The following CNTNAP5 variants were observed in gnomAD, a reference collection of about 807,000 sequenced individuals.
CNTNAP5 encodes the protein contactin associated protein family member 5.
CNTNAP5 carries 72 observed loss-of-function variants against 150.2 expected under a neutral mutation model. The ratio of observed to expected loss-of-function variants is 0.48; its 90% CI spans 0.40 to 0.58. CNTNAP5 has a LOEUF of 0.58. Among genes scored for constraint, CNTNAP5 ranks in the 20% least tolerant of loss-of-function variants. CNTNAP5 has a pLI of 0.00. For missense variants in CNTNAP5, 1,636 were observed against 1,626.2 expected, an observed-to-expected ratio of 1.01 and a Z score of -0.10; for synonymous variants, 672 against 619.8, an observed-to-expected ratio of 1.08 and a Z score of -1.25.
Position 124,772,827 on chromosome 2 carries a change from T to A in CNTNAP5, c.2562T>A (p.Asp854Glu). The A allele has an allele frequency of 6.2e-7, 1 of 1,613,684 alleles. No individual in the cohort carries two copies. The highest frequency in any genetic ancestry group is 1.1e-5 in the South Asian group (1 of 91,078). ...SSPSEITFAI[D>E]VGNGPVELVV... ...CTTCAGAGATCACCTTTGCCATCGA[T>A]GTTGGGAATGGTCCTGTGGAGCTTG... Residue 854 changes from aspartate to glutamate, a missense_variant, in exon 17 of 24, where the codon GAT (aspartate) becomes GAA (glutamate). Coordinates refer to ENST00000682447, the MANE Select transcript of CNTNAP5 (RefSeq NM_001367498.1).
At chr2:124,335,848 A>AAAAAC (rs1192347203) in intron 3 of CNTNAP5, among the ~76,000 whole-genome samples, 1 of 151,982 alleles carries the variant, frequency 6.6e-6, no homozygotes, top group South Asian at 2.1e-4. Context: ...TGCAGGGGTG[A>AAAAAC]AAAACAAAAC....
At chr2:124,194,706 CAT>C (rs955289713) in intron 1 of CNTNAP5, among the ~76,000 whole-genome samples, 9 of 150,210 alleles carry the variant, frequency 6.0e-5, no homozygotes, top group African/African-American at 1.9e-4. Flanking sequence ...AATCATATAA[CAT>C]AATATTTTAT....
In CNTNAP5 at chr2:124,914,299, G is replaced by A. The variant is rs1434877765; in HGVS notation, c.*11G>A. ...GAATATTTCATCTGAGAAACTGCAG[G>A]GTTCCTACTACTCTTTTTTCTTGTT... On this transcript the variant is annotated 3_prime_UTR_variant, in exon 24 of 24. Coordinates refer to ENST00000682447, the MANE Select transcript of CNTNAP5 (RefSeq NM_001367498.1). 6.3e-7 allele frequency: 1 copy of A among 1,590,150 alleles called. No individual in the cohort carries two copies. The highest frequency in any genetic ancestry group is 2.3e-5 in the East Asian group (1 of 44,326).
At chr2:124,856,887 C>A (rs1331968669) in intron 19 of CNTNAP5, among the ~76,000 whole-genome samples, 7 of 152,126 alleles carry the variant, frequency 4.6e-5, no homozygotes, top group Non-Finnish European at 1.0e-4. Flanking sequence ...ATATCCATGG[C>A]AAGCTTGTCA....
intron 1 of CNTNAP5, among the ~76,000 whole-genome samples, chr2:124,056,265 C>T (rs1173838744): frequency 6.6e-6 from 1 of 152,136 alleles, no homozygotes; most frequent in African/African-American, 2.4e-5. Context: ...TGACCATCTC[C>T]TCTCACTAGC....
chr2:124,631,980 C>A (rs745361660), intron 12 of CNTNAP5, among the ~76,000 whole-genome samples: 1 of 152,110 alleles, frequency 6.6e-6, no homozygotes, highest in Non-Finnish European at 1.5e-5. Context: ...CATCACTGAT[C>A]ATTAGAGAAA....
intron 3 of CNTNAP5, among the ~76,000 whole-genome samples, chr2:124,367,761 A>T (rs886112292): frequency 3.9e-5 from 6 of 152,218 alleles, no homozygotes; most frequent in South Asian, 2.1e-4. Flanking sequence ...AAGGAAAATT[A>T]CAAAATTCAC....
At chr2:124,462,752 C>T (rs1693282381) in intron 6 of CNTNAP5, among the ~76,000 whole-genome samples, 1 of 152,156 alleles carries the variant, frequency 6.6e-6, no homozygotes, top group African/African-American at 2.4e-5. Context: ...TAGAGAACCA[C>T]ATATCATGAA....
chr2:124,745,525 A>G (rs990741964), intron 13 of CNTNAP5, among the ~76,000 whole-genome samples: 38 of 152,328 alleles, frequency 2.5e-4, no homozygotes, highest in African/African-American at 7.7e-4. Context: ...CCAGTCCTCT[A>G]GGCCAGGTGT....
At chr2:124,095,635 T>C (rs904812029) in intron 1 of CNTNAP5, among the ~76,000 whole-genome samples, 1 of 152,204 alleles carries the variant, frequency 6.6e-6, no homozygotes. Context: ...GAAGCCTGTG[T>C]GACACTTGGT....
intron 3 of CNTNAP5, among the ~76,000 whole-genome samples, chr2:124,344,907 A>G (rs563373135): frequency 2.0e-5 from 3 of 152,318 alleles, no homozygotes; most frequent in Non-Finnish European, 2.9e-5. Flanking sequence ...CCCTGAATCC[A>G]TGGCTTCTCT....
At chr2:124,345,303 T>C (rs1689711561) in intron 3 of CNTNAP5, among the ~76,000 whole-genome samples, 1 of 152,202 alleles carries the variant, frequency 6.6e-6, no homozygotes, top group Non-Finnish European at 1.5e-5. Flanking sequence ...ATCACCTCTG[T>C]GATGGGCTAG....
At chr2:124,771,025 C>T (rs533584846) in intron 16 of CNTNAP5, among the ~76,000 whole-genome samples, 1 of 152,250 alleles carries the variant, frequency 6.6e-6, no homozygotes, top group Non-Finnish European at 1.5e-5. Context: ...TTCCTTTAGG[C>T]CAGGGCTCGG....
At chr2:124,596,082 A>T (rs1054459645) in intron 11 of CNTNAP5, among the ~76,000 whole-genome samples, 5 of 133,542 alleles carry the variant, frequency 3.7e-5, no homozygotes, top group African/African-American at 1.4e-4. Flanking sequence ...ATCCTTTCAA[A>T]AAACCAGCTC....
chr2:124,902,757 T>G (rs1573700039), intron 21 of CNTNAP5, 125 bp from the exon 22 acceptor site: 12 of 582,430 alleles, frequency 2.1e-5, no homozygotes, highest in Admixed American at 3.1e-5. Flanking sequence ...TAGGGGAGGG[T>G]TTTCTTTACT....
chr2:124,604,602 A>G (rs1041078787), intron 11 of CNTNAP5, among the ~76,000 whole-genome samples: 7 of 152,222 alleles, frequency 4.6e-5, no homozygotes, highest in African/African-American at 2.4e-5. Context: ...AGGTTGTTTC[A>G]GTTTTGTAAA....
rs543490522 is a variant in CNTNAP5, at chr2:124,622,586, G to A, written c.1876+12666G>A. Among the ~76,000 whole-genome samples the A allele has an allele frequency of 2.6e-4, 39 of 152,010 alleles. No individual in the cohort carries two copies. In the South Asian group the frequency reaches 6.0e-3, roughly 24 times the overall value. On this transcript the variant is annotated intron_variant, in intron 12 of 23. Coordinates refer to ENST00000682447, the MANE Select transcript of CNTNAP5 (RefSeq NM_001367498.1). ...GGGCGAACTAATTTATACTCCCACC[G>A]ACAGTGTAAAAGCATTCCTTTTTCT... is the stretch of plus-strand genomic sequence containing the variant.
At chr2:124,850,114 C>G (rs571905719) in intron 19 of CNTNAP5, among the ~76,000 whole-genome samples, 3 of 152,194 alleles carry the variant, frequency 2.0e-5, no homozygotes, top group African/African-American at 7.2e-5. Context: ...ATATGAAATA[C>G]ATTTGAGATA....
chr2:124,497,944 A>T lies in CNTNAP5; in HGVS notation c.1063-6348A>T, dbSNP rs573036096. Among the ~76,000 whole-genome samples, 97 of 152,346 alleles carry T rather than the reference A, an allele frequency of 6.4e-4. 3 individuals are homozygous for T. In the South Asian group the frequency reaches 0.019, roughly 31 times the overall value. On this transcript the variant is annotated intron_variant, in intron 7 of 23. Coordinates refer to ENST00000682447, the MANE Select transcript of CNTNAP5 (RefSeq NM_001367498.1). ...TCTGTAGTCACATGACAAAGACTTA[A>T]CTACTACTGTGTTCTCTGTGTCAAA...
Sources: gnomAD v4.1 joint callset for allele counts (sites outside exome capture counted in the v4.1 genomes callset) on GRCh38, gnomAD v4.1.1 for gene constraint, MANE v1.5 for transcripts, NCBI Gene and HGNC (gene_info 2026-07-23, HGNC 2026-07-21) for gene names.